The following SNTG2 variants were observed in gnomAD, a reference collection of about 807,000 sequenced individuals.
The protein encoded by SNTG2 is syntrophin gamma 2.
Under a neutral mutation model 70.9 loss-of-function variants are expected in SNTG2, and 74 were observed. The ratio of observed to expected loss-of-function variants is 1.04; its 90% CI spans 0.86 to 1.27. The LOEUF is 1.27. Among genes scored for constraint, SNTG2 ranks in the 50% most tolerant of loss-of-function variants. SNTG2 has a pLI of 0.00. For synonymous variants in SNTG2, 278 were observed against 273.8 expected (o/e 1.02, Z -0.15); for missense variants, 717 against 690.7 (o/e 1.04, Z -0.43).
At chr2:1,077,463 T>C (rs1024560737) in intron 1 of SNTG2, among the ~76,000 whole-genome samples, 24 of 152,232 alleles carry the variant, frequency 1.6e-4, no homozygotes, top group African/African-American at 5.8e-4. Flanking sequence ...TTTCTTTTCT[T>C]TCTCCTTTTG....
chr2:1,350,448 T>C (rs1223432986), intron 16 of SNTG2, among the ~76,000 whole-genome samples: 10 of 152,330 alleles, frequency 6.6e-5, no homozygotes, highest in Admixed American at 3.9e-4. Context: ...GCTACCAGAT[T>C]GCCCATTTAT....
chr2:1,251,540 C>T (rs909458557), intron 12 of SNTG2, among the ~76,000 whole-genome samples: 1 of 144,964 alleles, frequency 6.9e-6, no homozygotes, highest in African/African-American at 2.6e-5. Flanking sequence ...ACACACATAA[C>T]ATATGCACAC....
chr2:1,032,119 G>A (rs1323231017), intron 1 of SNTG2, among the ~76,000 whole-genome samples: 1 of 152,152 alleles, frequency 6.6e-6, no homozygotes, highest in Non-Finnish European at 1.5e-5. Flanking sequence ...CTGAAATGAA[G>A]CGTCATCAAC....
intron 2 of SNTG2, among the ~76,000 whole-genome samples, chr2:1,091,595 C>G (rs986514483): frequency 2.6e-5 from 4 of 152,190 alleles, no homozygotes; most frequent in Non-Finnish European, 5.9e-5. Context: ...GCCGCTCCCC[C>G]ATGAAGCCCG....
chr2:1,201,310 A>C (rs1404522373), intron 8 of SNTG2, among the ~76,000 whole-genome samples: 1 of 151,866 alleles, frequency 6.6e-6, no homozygotes, highest in Non-Finnish European at 1.5e-5. Context: ...GACAAATATC[A>C]CATGTTATCA....
chr2:1,175,283 G>A (rs531476489), intron 8 of SNTG2, among the ~76,000 whole-genome samples: 1 of 152,186 alleles, frequency 6.6e-6, no homozygotes, highest in Non-Finnish European at 1.5e-5. Flanking sequence ...TGAGACCTCT[G>A]TTGTATTCTA....
chr2:961,167 C>T (rs1660337011), intron 1 of SNTG2, among the ~76,000 whole-genome samples: 2 of 152,028 alleles, frequency 1.3e-5, no homozygotes, highest in South Asian at 2.1e-4. Flanking sequence ...ATGTTATCAC[C>T]CCTGGGAGGC....
chr2:1,364,063 C>T (rs113223645), intron 16 of SNTG2, among the ~76,000 whole-genome samples: 109,616 of 151,892 alleles, frequency 0.72, 39,845 homozygotes, highest in East Asian at 0.94. Flanking sequence ...TTCCGCCTCC[C>T]GGGTTCAAGT....
chr2:1,082,535 C>A (rs1664402079), intron 1 of SNTG2, among the ~76,000 whole-genome samples: 1 of 152,190 alleles, frequency 6.6e-6, no homozygotes, highest in Non-Finnish European at 1.5e-5. Flanking sequence ...AGCACTGGGG[C>A]TCTAGGCAGA....
chr2:1,016,896 T>C (rs6705222), intron 1 of SNTG2, among the ~76,000 whole-genome samples: 120,823 of 152,124 alleles, frequency 0.79, 48,683 homozygotes, highest in African/African-American at 0.84. Flanking sequence ...CAGGACCAGA[T>C]CATGGTGGGT....
intron 4 of SNTG2, among the ~76,000 whole-genome samples, chr2:1,115,900 C>G (rs1411083264): frequency 6.6e-6 from 1 of 152,222 alleles, no homozygotes; most frequent in African/African-American, 2.4e-5. Flanking sequence ...GGTCAATGTT[C>G]AAGCCCCATT....
chr2:1,269,358 A>G (rs1388899374), intron 14 of SNTG2, among the ~76,000 whole-genome samples: 1 of 152,130 alleles, frequency 6.6e-6, no homozygotes, highest in Non-Finnish European at 1.5e-5. Context: ...TCTGCAAAAA[A>G]TAATAATAAA....
intron 16 of SNTG2, among the ~76,000 whole-genome samples, chr2:1,340,043 G>A (rs1269396478): frequency 6.6e-6 from 1 of 152,240 alleles, no homozygotes; most frequent in African/African-American, 2.4e-5. Flanking sequence ...TGGAGGCACA[G>A]AAGAGGCACC....
chr2:1,087,622 G>A (rs571372098), intron 2 of SNTG2, among the ~76,000 whole-genome samples: 87 of 152,244 alleles, frequency 5.7e-4, no homozygotes, highest in African/African-American at 1.6e-3. Context: ...ATGATTGAGC[G>A]CATAAGTAAA....
chr2:1,258,107 G>C (rs78471339), intron 12 of SNTG2, among the ~76,000 whole-genome samples: 2,323 of 152,298 alleles, frequency 0.015, 27 homozygotes, highest in Admixed American at 0.033. Flanking sequence ...ACACTGGCCA[G>C]GGTGGGAACG....
chr2:1,225,707 T>A (rs72768862), intron 9 of SNTG2, among the ~76,000 whole-genome samples: 4,350 of 152,284 alleles, frequency 0.029, 98 homozygotes, highest in South Asian at 0.065. Context: ...TGGGGTGGAA[T>A]TTAAGCACCG....
chr2:1,152,581 T>G (rs1003374269), intron 6 of SNTG2, among the ~76,000 whole-genome samples: 5 of 148,630 alleles, frequency 3.4e-5, no homozygotes, highest in African/African-American at 1.3e-4. Context: ...TGTGCATGTG[T>G]GTGTGTGCAC....
chr2:1,100,617 C>T (rs1248848373), intron 4 of SNTG2, among the ~76,000 whole-genome samples: 2 of 152,178 alleles, frequency 1.3e-5, no homozygotes, highest in Non-Finnish European at 2.9e-5. Flanking sequence ...GTGGGTCCAC[C>T]GTTGCTGTGT....
intron 16 of SNTG2, among the ~76,000 whole-genome samples, chr2:1,366,962 A>G (rs954067009): frequency 2.6e-5 from 4 of 152,250 alleles, no homozygotes; most frequent in African/African-American, 9.6e-5. Flanking sequence ...CCACATCACA[A>G]AATCACCACA....
Sources: gnomAD v4.1 joint callset for allele counts (sites outside exome capture counted in the v4.1 genomes callset) on GRCh38, gnomAD v4.1.1 for gene constraint, MANE v1.5 for transcripts, NCBI Gene and HGNC (gene_info 2026-07-23, HGNC 2026-07-21) for gene names.